FSTL4: variants seen among roughly 807,000 people sequenced by gnomAD.
The protein encoded by FSTL4 is follistatin like 4, also known as follistatin-related protein 4.
FSTL4 carries 28 observed loss-of-function variants against 78.2 expected under a neutral mutation model. The observed-to-expected ratio is 0.36, with a 90% CI of 0.27 to 0.49. The LOEUF (loss-of-function observed/expected upper bound fraction) is 0.49. Among genes scored for constraint, FSTL4 ranks in the 20% least tolerant of loss-of-function variants. The pLI is 0.98. For synonymous variants in FSTL4, 422 were observed against 440.5 expected (o/e 0.96, Z 0.53); for missense variants, 922 against 1,084.9 (o/e 0.85, Z 2.11).
At chr5:133,327,742 A>G (rs144912542) in intron 4 of FSTL4, among the ~76,000 whole-genome samples, 28 of 152,318 alleles carry the variant, frequency 1.8e-4, no homozygotes, top group Admixed American at 5.9e-4. Context: ...GCTGACAGCC[A>G]TCACAGGCAG....
intron 6 of FSTL4, among the ~76,000 whole-genome samples, chr5:133,294,562 A>T (rs1753344208): frequency 6.6e-6 from 1 of 152,082 alleles, no homozygotes; most frequent in African/African-American, 2.4e-5. Context: ...TCTCCCTTAT[A>T]TGCCACCTGT....
chr5:133,610,219 C>A (rs1761062661), intron 1 of FSTL4, among the ~76,000 whole-genome samples: 1 of 152,084 alleles, frequency 6.6e-6, no homozygotes, highest in Admixed American at 6.6e-5. Context: ...CAGGGCACAG[C>A]CGAAAGGATA....
chr5:133,524,078 C>A (rs759604906), intron 3 of FSTL4, among the ~76,000 whole-genome samples: 2 of 152,120 alleles, frequency 1.3e-5, no homozygotes, highest in Non-Finnish European at 2.9e-5. Flanking sequence ...CGAGGGGAGC[C>A]GCTCAGGGAG....
rs193289608 is a variant in FSTL4, at chr5:133,369,817, T to A, written c.409+30921A>T. On this transcript the variant is annotated intron_variant, in intron 4 of 15. Transcript: ENST00000265342. ...TTCTGTCACCTGGCATCAGCAGGGC[T>A]TAGTTAACCCATTAGGCACCCCACT... Among the ~76,000 whole-genome samples, 12 of 152,300 alleles carry A rather than the reference T, an allele frequency of 7.9e-5. No individual in the cohort carries two copies. In the East Asian group the frequency reaches 2.3e-3, roughly 29 times the overall value.
At chr5:133,624,512 G>T in the FSTL4 span, among the ~76,000 whole-genome samples, 1 of 151,724 alleles carries the variant, frequency 6.6e-6, no homozygotes, top group African/African-American at 2.4e-5. Context: ...CTAGCTAGAG[G>T]TGATGGTTGC....
At chr5:133,279,095 A>T (rs1022116070) in intron 6 of FSTL4, among the ~76,000 whole-genome samples, 11 of 152,224 alleles carry the variant, frequency 7.2e-5, no homozygotes, top group African/African-American at 2.7e-4. Context: ...GTCAGTTTCT[A>T]TAGAGAAGTT....
intron 2 of FSTL4, among the ~76,000 whole-genome samples, chr5:133,596,256 G>C (rs1190470704): frequency 6.6e-6 from 1 of 152,146 alleles, no homozygotes; most frequent in Non-Finnish European, 1.5e-5. Context: ...CATGCTTCAG[G>C]GGCCCAGGCC....
upstream of FSTL4, among the ~76,000 whole-genome samples, chr5:133,616,342 T>TATCTATCTATCTATC (rs1761199629): frequency 6.6e-6 from 1 of 151,838 alleles, no homozygotes; most frequent in Non-Finnish European, 1.5e-5. Flanking sequence ...TCTATCTATC[T>TATCTATCTATCTATC]ATCTATCTAT....
At chr5:133,488,824 A>C (rs1163909838) in intron 3 of FSTL4, among the ~76,000 whole-genome samples, 1 of 152,008 alleles carries the variant, frequency 6.6e-6, no homozygotes, top group Non-Finnish European at 1.5e-5. Context: ...CCCCAATCTC[A>C]TGGGCCCCAT....
the FSTL4 span, among the ~76,000 whole-genome samples, chr5:133,621,081 A>G: frequency 2.0e-5 from 3 of 152,222 alleles, no homozygotes; most frequent in African/African-American, 7.2e-5. Flanking sequence ...ACGACAGAAT[A>G]CTACTAAGCC....
chr5:133,564,107 G>C (rs1308962725), intron 3 of FSTL4, among the ~76,000 whole-genome samples: 2 of 152,134 alleles, frequency 1.3e-5, no homozygotes, highest in Non-Finnish European at 2.9e-5. Flanking sequence ...GCAATTCTCT[G>C]CTTCCATCAT....
intron 8 of FSTL4, among the ~76,000 whole-genome samples, chr5:133,227,438 C>T (rs897711902): frequency 1.3e-5 from 2 of 152,212 alleles, no homozygotes; most frequent in African/African-American, 4.8e-5. Context: ...AAGAAAGAAA[C>T]TTCCCTATAC....
chr5:133,292,513 TCA>T (rs1753289411), intron 6 of FSTL4, among the ~76,000 whole-genome samples: 1 of 149,552 alleles, frequency 6.7e-6, no homozygotes, highest in African/African-American at 2.5e-5. Context: ...TCATGATTCA[TCA>T]CAGTGGTGCC....
the FSTL4 span, among the ~76,000 whole-genome samples, chr5:133,655,358 A>C: frequency 6.6e-6 from 1 of 152,222 alleles, no homozygotes. Context: ...TTCTGGAAAC[A>C]TAACCCTGAA....
At chr5:133,296,105 A>G (rs911665632) in intron 6 of FSTL4, among the ~76,000 whole-genome samples, 1 of 152,010 alleles carries the variant, frequency 6.6e-6, no homozygotes, top group East Asian at 1.9e-4. Context: ...TCCTCCACCC[A>G]TGGTCTCCTC....
chr5:133,780,210 G>A, the FSTL4 span, among the ~76,000 whole-genome samples: 4 of 152,248 alleles, frequency 2.6e-5, no homozygotes, highest in East Asian at 1.9e-4. Context: ...AACTGCCAAA[G>A]AGCCGCAGAT....
At chr5:133,507,272 T>C (rs1758628644) in intron 3 of FSTL4, among the ~76,000 whole-genome samples, 1 of 152,206 alleles carries the variant, frequency 6.6e-6, no homozygotes, top group African/African-American at 2.4e-5. Flanking sequence ...TTTAATTTTT[T>C]AAATAAAAAT....
chr5:133,753,964 G>A, the FSTL4 span, among the ~76,000 whole-genome samples: 1 of 152,140 alleles, frequency 6.6e-6, no homozygotes, highest in African/African-American at 2.4e-5. Flanking sequence ...TAAAAAAGGA[G>A]ATTGCAATAA....
the FSTL4 span, among the ~76,000 whole-genome samples, chr5:133,687,610 C>T: frequency 6.6e-6 from 1 of 152,190 alleles, no homozygotes; most frequent in Non-Finnish European, 1.5e-5. Flanking sequence ...CTAAGGAATG[C>T]CTCCAAATTC....
Sources: gnomAD v4.1 joint callset for allele counts (sites outside exome capture counted in the v4.1 genomes callset) on GRCh38, gnomAD v4.1.1 for gene constraint, MANE v1.5 for transcripts, NCBI Gene and HGNC (gene_info 2026-07-23, HGNC 2026-07-21) for gene names.